The following CFAP299 variants were observed in gnomAD, a reference collection of about 807,000 sequenced individuals.
The protein encoded by CFAP299 is cilia and flagella associated protein 299.
CFAP299 carries 21 observed loss-of-function variants against 27.0 expected under a neutral mutation model. The ratio of observed to expected loss-of-function variants is 0.78; its 90% CI spans 0.55 to 1.12. The LOEUF (loss-of-function observed/expected upper bound fraction) is 1.12, where lower values mean the gene tolerates loss of function less well. CFAP299 is among the 50% of genes most tolerant of loss of function. The pLI is 0.00. For synonymous variants in CFAP299, 104 were observed against 98.1 expected (o/e 1.06, Z -0.36); for missense variants, 310 against 276.6 (o/e 1.12, Z -0.86).
chr4:80,899,636 CAG>C (rs1453320772), intron 4 of CFAP299, among the ~76,000 whole-genome samples: 15 of 152,136 alleles, frequency 9.9e-5, no homozygotes, highest in Non-Finnish European at 1.6e-4. Context: ...TCAGAGATTT[CAG>C]TCCTCCTAGG....
intron 4 of CFAP299, among the ~76,000 whole-genome samples, chr4:80,907,372 A>G (rs1735235332): frequency 6.6e-6 from 1 of 152,204 alleles, no homozygotes; most frequent in Admixed American, 6.5e-5. Context: ...TCTGCATGTC[A>G]CATAGTTCCA....
intron 4 of CFAP299, among the ~76,000 whole-genome samples, chr4:80,906,892 C>T (rs1046749460): frequency 6.6e-6 from 1 of 152,154 alleles, no homozygotes; most frequent in Non-Finnish European, 1.5e-5. Flanking sequence ...GCCCTGGAGA[C>T]ATTTTCCCCA....
chr4:80,332,690 T>C (rs563434072), upstream of CFAP299, among the ~76,000 whole-genome samples: 17 of 152,200 alleles, frequency 1.1e-4, no homozygotes, highest in African/African-American at 3.9e-4. Context: ...GAAAAAGCCA[T>C]AGTAGAAGGT....
At chr4:80,743,536 C>T (rs962149386) in intron 3 of CFAP299, among the ~76,000 whole-genome samples, 2 of 152,092 alleles carry the variant, frequency 1.3e-5, no homozygotes, top group African/African-American at 2.4e-5. Context: ...TATAGAATGA[C>T]TTGGTTTTCA....
At chr4:80,870,704 G>A (rs1310039163) in intron 4 of CFAP299, 4 of 985,338 alleles carry the variant, frequency 4.1e-6, no homozygotes, top group Non-Finnish European at 4.8e-6. Flanking sequence ...CTTCTAAATA[G>A]CATGCAAGCT....
At chr4:80,379,254 T>C (rs1268044361) in intron 2 of CFAP299, among the ~76,000 whole-genome samples, 1 of 152,064 alleles carries the variant, frequency 6.6e-6, no homozygotes, top group Non-Finnish European at 1.5e-5. Context: ...TTTTAATATA[T>C]GTAGTAGAAA....
chr4:80,499,761 C>T (rs1731650080), intron 2 of CFAP299, among the ~76,000 whole-genome samples: 1 of 152,010 alleles, frequency 6.6e-6, no homozygotes, highest in Admixed American at 6.6e-5. Context: ...TCAATTTCCT[C>T]TTGATATTTT....
At chr4:80,874,930 T>C (rs1057022141) in intron 4 of CFAP299, among the ~76,000 whole-genome samples, 4 of 152,188 alleles carry the variant, frequency 2.6e-5, no homozygotes, top group Non-Finnish European at 5.9e-5. Context: ...ATATAAAATG[T>C]CTTATTAGTA....
At chr4:80,845,765 G>A (rs1731149919) in intron 3 of CFAP299, among the ~76,000 whole-genome samples, 1 of 151,618 alleles carries the variant, frequency 6.6e-6, no homozygotes, top group African/African-American at 2.4e-5. Context: ...TGTTGGTTTT[G>A]GGCAAAATAA....
chr4:80,553,578 AC>A (rs1304006534), intron 2 of CFAP299, among the ~76,000 whole-genome samples: 2 of 152,202 alleles, frequency 1.3e-5, no homozygotes, highest in African/African-American at 4.8e-5. Flanking sequence ...TTGAGGAATC[AC>A]CATACTGCTT....
rs17004976 is a variant in CFAP299, at chr4:80,701,085, T to C, written c.333+117902T>C. 9.0e-3 allele frequency among the ~76,000 whole-genome samples: 1,369 copies of C among 152,150 alleles called. 20 individuals carry two copies. The highest frequency in any genetic ancestry group is 0.03 in the African/African-American group (1,263 of 41,542). ...TGTCTGGTACCCAAGTTCATATTTT[T>C]AAGCACTGTGCTATTTTGCCTTCCA... On this transcript the variant is annotated intron_variant, in intron 3 of 5. Coordinates refer to ENST00000358105, the MANE Select transcript of CFAP299 (RefSeq NM_152770.3).
chr4:80,452,532 G>C (rs781544314), intron 2 of CFAP299, among the ~76,000 whole-genome samples: 5 of 152,074 alleles, frequency 3.3e-5, no homozygotes, highest in Non-Finnish European at 7.4e-5. Flanking sequence ...TTTGGGTAAA[G>C]ACTTACAAAA....
chr4:80,349,295 G>C (rs973042738), intron 1 of CFAP299, among the ~76,000 whole-genome samples: 2 of 152,150 alleles, frequency 1.3e-5, no homozygotes, highest in African/African-American at 2.4e-5. Context: ...ACCCTGACAT[G>C]TAACTATCCA....
chr4:80,435,662 G>T (rs541046885), intron 2 of CFAP299, among the ~76,000 whole-genome samples: 1 of 152,182 alleles, frequency 6.6e-6, no homozygotes, highest in Non-Finnish European at 1.5e-5. Flanking sequence ...CTTGCAGAGG[G>T]TTGAGCAAAG....
At chr4:80,770,215 CA>C (rs1726132375) in intron 3 of CFAP299, among the ~76,000 whole-genome samples, 1 of 152,140 alleles carries the variant, frequency 6.6e-6, no homozygotes, top group African/African-American at 2.4e-5. Context: ...CTCGATTAGA[CA>C]AAAGTCATAT....
chr4:80,830,480 G>A (rs1469716224), intron 3 of CFAP299, among the ~76,000 whole-genome samples: 1 of 151,992 alleles, frequency 6.6e-6, no homozygotes, highest in Non-Finnish European at 1.5e-5. Flanking sequence ...GATAGAGTCT[G>A]GCATATTCTA....
chr4:80,524,687 G>A (rs987362992), intron 2 of CFAP299, among the ~76,000 whole-genome samples: 5 of 152,104 alleles, frequency 3.3e-5, no homozygotes, highest in African/African-American at 1.2e-4. Context: ...ACCATTGCTT[G>A]TTCCCTCATT....
chr4:80,843,024 TATTTCCTATGTC>T (rs903599632), intron 3 of CFAP299, among the ~76,000 whole-genome samples: 4 of 151,864 alleles, frequency 2.6e-5, no homozygotes, highest in African/African-American at 7.2e-5. Flanking sequence ...ATCTTTTCAC[TATTTCCTATGTC>T]ATTTCCTATG....
At chr4:80,848,205 TG>T (rs1373628458) in intron 3 of CFAP299, among the ~76,000 whole-genome samples, 1 of 151,114 alleles carries the variant, frequency 6.6e-6, no homozygotes, top group East Asian at 1.9e-4. Context: ...AGTGAGACCC[TG>T]TCTCAAAAAA....
Sources: allele counts gnomAD v4.1 joint callset (sites outside exome capture counted in the v4.1 genomes callset), GRCh38; gene constraint gnomAD v4.1.1; transcripts MANE v1.5; gene names NCBI Gene and HGNC (gene_info 2026-07-23, HGNC 2026-07-21).